BCAS3: variants seen among roughly 807,000 people sequenced by gnomAD.
BCAS3 encodes BCAS3 microtubule associated cell migration factor.
Under a neutral mutation model 116.1 loss-of-function variants are expected in BCAS3, and 53 were observed. The ratio of observed to expected loss-of-function variants is 0.46; its 90% CI spans 0.37 to 0.57. BCAS3 has a LOEUF of 0.57. Ranked by LOEUF, BCAS3 falls within the 20% of genes least tolerant of loss-of-function variation. The pLI is 0.00. For missense variants in BCAS3, 917 were observed against 1,165.4 expected, an observed-to-expected ratio of 0.79 and a Z score of 3.10; for synonymous variants, 391 against 408.2, an observed-to-expected ratio of 0.96 and a Z score of 0.51.
chr17:61,183,049 A>G (rs2079567722), intron 22 of BCAS3, among the ~76,000 whole-genome samples: 1 of 152,350 alleles, frequency 6.6e-6, no homozygotes, highest in Middle Eastern at 3.4e-3. Flanking sequence ...GTTTAAGGAA[A>G]TATTTCCTTA....
At chr17:61,155,569 G>A (rs985834843) in intron 22 of BCAS3, among the ~76,000 whole-genome samples, 2 of 151,500 alleles carry the variant, frequency 1.3e-5, no homozygotes, top group African/African-American at 2.4e-5. Flanking sequence ...CTCTAGGAGC[G>A]AACCTCTCTA....
At chr17:60,796,092 G>A (rs1237295178) in intron 6 of BCAS3, among the ~76,000 whole-genome samples, 1 of 152,282 alleles carries the variant, frequency 6.6e-6, no homozygotes, top group East Asian at 1.9e-4. Flanking sequence ...CTTGATCATG[G>A]TGAAATATCT....
chr17:60,731,796 T>TTTTTTTTTTTTTTG (rs2040476984), intron 5 of BCAS3, among the ~76,000 whole-genome samples: 1 of 151,182 alleles, frequency 6.6e-6, no homozygotes, highest in Admixed American at 6.6e-5. Flanking sequence ...TTTTTTTTTT[T>TTTTTTTTTTTTTTG]GAGGCAGAGT....
In BCAS3 at chr17:61,364,635, G is replaced by A. The variant is rs1238723316; in HGVS notation, c.2426-3692G>A. 6.6e-6 allele frequency among the ~76,000 whole-genome samples: 1 copy of A among 152,222 alleles called. No homozygotes were observed. The highest frequency in any genetic ancestry group is 1.5e-5 in the Non-Finnish European group (1 of 68,040). On this transcript the variant is annotated intron_variant, in intron 22 of 23. Transcript: ENST00000407086. The surrounding 1 kb of genome is among the most constrained non-coding windows in gnomAD (Gnocchi z 5.4). The stretch of plus-strand genomic sequence containing the variant: ...AGGTGGAAGGATCTCTTCAGCCCAG[G>A]AGGCTGTGGCTGCAGTGAGCCGTGA...
At chr17:61,385,047 C>T (rs1373343971) in intron 23 of BCAS3, among the ~76,000 whole-genome samples, 1 of 152,198 alleles carries the variant, frequency 6.6e-6, no homozygotes, top group Non-Finnish European at 1.5e-5. Flanking sequence ...GAGGCTGGCT[C>T]CATCCCAGAG....
In BCAS3 at chr17:60,747,236, T is replaced by C. The variant is rs1177577062; in HGVS notation, c.360T>C (p.His120=). 3.1e-6 allele frequency: 5 copies of C among 1,613,336 alleles called. No homozygotes were observed. In the Admixed American group the frequency reaches 8.3e-5, roughly 27 times the overall value. ...CACAAGAGCTCTTCTCTGTTCGACA[T>C]GGCCCAATTCGAGCGGCTAGAATCT... ...GEAQELFSVR[H]GPIRAARILP... Residue 120 remains histidine, a synonymous_variant, in exon 6 of 24, where the codon CAT becomes CAC. Coordinates refer to ENST00000407086, the MANE Select transcript of BCAS3 (RefSeq NM_017679.5).
chr17:60,967,251 G>A lies in BCAS3; in HGVS notation c.1221+19899G>A, dbSNP rs7217412. 2.1e-3 allele frequency among the ~76,000 whole-genome samples: 322 copies of A among 152,116 alleles called. 3 individuals are homozygous for A. Among genetic ancestry groups the A allele is most frequent in the African/African-American group, 7.3e-3 (304 of 41,496 alleles). On this transcript the variant is annotated intron_variant, in intron 14 of 23. Coordinates refer to ENST00000407086, the MANE Select transcript of BCAS3 (RefSeq NM_017679.5). This position sits in a 1 kb window ranked among gnomAD's most constrained non-coding sequence, Gnocchi z 4.7. ...TGGGTCAGGTGGTGGCAAATTATTTGTTTTTGTTTGTCTCAGAAATACTTT... is the reference window on the plus strand; with the variant it reads ...TGGGTCAGGTGGTGGCAAATTATTTATTTTTGTTTGTCTCAGAAATACTTT...
At chr17:60,678,561 CG>C (rs2032410001) in intron 1 of BCAS3, among the ~76,000 whole-genome samples, 1 of 152,008 alleles carries the variant, frequency 6.6e-6, no homozygotes, top group Non-Finnish European at 1.5e-5. Context: ...ACTGATGTGA[CG>C]GGAAAGGGTA....
chr17:61,139,448 A>G lies in BCAS3; in HGVS notation c.2425+54884A>G, dbSNP rs758884095. On this transcript the variant is annotated intron_variant, in intron 22 of 23. Transcript: ENST00000407086. The surrounding 1 kb of genome is among the most constrained non-coding windows in gnomAD (Gnocchi z 4.7). Reference sequence around the variant, plus strand: ...CAGTTTCTCAGTCTGTCGAGAGAGCATGGCTGCACCCTGTGCATTCTGGGC... The same window carrying G: ...CAGTTTCTCAGTCTGTCGAGAGAGCGTGGCTGCACCCTGTGCATTCTGGGC... Among the ~76,000 whole-genome samples the G allele has an allele frequency of 6.6e-6, 1 of 152,210 alleles. No individual in the cohort carries two copies. The highest frequency in any genetic ancestry group is 1.5e-5 in the Non-Finnish European group (1 of 68,048).
At chr17:60,691,194 A>G (rs2034775702) in intron 4 of BCAS3, among the ~76,000 whole-genome samples, 1 of 152,062 alleles carries the variant, frequency 6.6e-6, no homozygotes, top group Admixed American at 6.6e-5. Flanking sequence ...CGGCCTCCCA[A>G]AGTGCTGGGA....
chr17:60,763,250 G>C (rs1004613715), intron 6 of BCAS3, among the ~76,000 whole-genome samples: 3 of 152,174 alleles, frequency 2.0e-5, no homozygotes, highest in Admixed American at 1.3e-4. Context: ...GGAGTGGTGA[G>C]AGAGGGCATC....
In BCAS3 at chr17:60,802,613, AGC is replaced by A. The variant is rs2047912721; in HGVS notation, c.404-5390_404-5389del. Reference sequence around the variant, plus strand: ...CATGATTGTCAGTGGCAAACTGAAAAGCTAATTGAAAACATTGCATATCTGCT... The same window carrying A: ...CATGATTGTCAGTGGCAAACTGAAAATAATTGAAAACATTGCATATCTGCT... On this transcript the variant is annotated intron_variant, in intron 6 of 23. Coordinates refer to ENST00000407086, the MANE Select transcript of BCAS3 (RefSeq NM_017679.5). Among the ~76,000 whole-genome samples the A allele has an allele frequency of 2.0e-5, 3 of 152,196 alleles. No homozygotes were observed. The East Asian group carries it at 5.8e-4, about 29-fold the overall frequency.
At chr17:61,289,631 C>T (rs1028461692) in intron 22 of BCAS3, among the ~76,000 whole-genome samples, 4 of 152,050 alleles carry the variant, frequency 2.6e-5, no homozygotes, top group Non-Finnish European at 5.9e-5. Context: ...GATTAGAGAC[C>T]CCGTTCTTGC....
chr17:61,231,202 T>C (rs1361107536), intron 22 of BCAS3, among the ~76,000 whole-genome samples: 1 of 152,190 alleles, frequency 6.6e-6, no homozygotes, highest in Non-Finnish European at 1.5e-5. Context: ...GAGCATTTTT[T>C]CATGTGTTTG....
intron 22 of BCAS3, among the ~76,000 whole-genome samples, chr17:61,330,980 G>A (rs3785850): frequency 0.12 from 18,895 of 152,254 alleles, 1,687 homozygotes; most frequent in East Asian, 0.34. Context: ...CTCTCTGGGC[G>A]GTGAGTGTGC....
intron 6 of BCAS3, among the ~76,000 whole-genome samples, chr17:60,807,781 C>CAA (rs75176396): frequency 7.3e-4 from 47 of 64,442 alleles, no homozygotes; most frequent in African/African-American, 2.7e-3. Context: ...GACTCTGTCT[C>CAA]AAAAAAAAAA....
Position 61,213,473 on chromosome 17 carries a change from A to G in BCAS3, c.2425+128909A>G, listed in dbSNP as rs539752763. Among the ~76,000 whole-genome samples the G allele has an allele frequency of 2.6e-5, 4 of 152,164 alleles. No homozygotes were observed. ...GTGAGCCACCGCGCCTGGCCTATTC[A>G]TATATTTTTATATGAAAAAAGTAAG... On this transcript the variant is annotated intron_variant, in intron 22 of 23. Transcript: ENST00000407086. This position sits in a 1 kb window ranked among gnomAD's most constrained non-coding sequence, Gnocchi z 5.4.
At chr17:61,044,776 C>CTT (rs869234681) in intron 19 of BCAS3, among the ~76,000 whole-genome samples, 7 of 141,736 alleles carry the variant, frequency 4.9e-5, no homozygotes, top group African/African-American at 7.8e-5. Context: ...TGCTAAAGTC[C>CTT]TTTTTTTTTT....
At chr17:60,871,019 T>G (rs2055053144) in intron 8 of BCAS3, among the ~76,000 whole-genome samples, 1 of 152,248 alleles carries the variant, frequency 6.6e-6, no homozygotes, top group Non-Finnish European at 1.5e-5. Context: ...AATTTATCAA[T>G]AGTTTTGACA....
Sources: allele counts gnomAD v4.1 joint callset (sites outside exome capture counted in the v4.1 genomes callset), GRCh38; gene constraint gnomAD v4.1.1; non-coding constraint Gnocchi (gnomAD v3.1); transcripts MANE v1.5; gene names NCBI Gene and HGNC (gene_info 2026-07-23, HGNC 2026-07-21).